KCNN1: variants seen among roughly 807,000 people sequenced by gnomAD.
The protein encoded by KCNN1 is small conductance calcium-activated potassium channel protein 1.
Under a neutral mutation model 44.7 loss-of-function variants are expected in KCNN1, and 20 were observed. The ratio of observed to expected loss-of-function variants is 0.45; its 90% CI spans 0.32 to 0.65. KCNN1 has a LOEUF of 0.65. Among genes scored for constraint, KCNN1 ranks in the 30% least tolerant of loss-of-function variants. The pLI, the probability that KCNN1 is intolerant of heterozygous loss-of-function variation, is 0.05. For synonymous variants in KCNN1, 324 were observed against 341.7 expected (o/e 0.95, Z 0.57); for missense variants, 632 against 785.3 (o/e 0.80, Z 2.33).
chr19:17,974,126 C>T lies in KCNN1; in HGVS notation c.238C>T (p.Gln80Ter). 6.2e-7 allele frequency: 1 copy of T among 1,612,970 alleles called. No homozygotes were observed. Residue 80 changes from glutamine to a stop codon, truncating the protein, a stop_gained, in exon 2 of 10, where the codon CAG becomes TAG. Transcript: ENST00000684775. LOFTEE classifies it high-confidence loss of function. The surrounding 1 kb of genome is among the most constrained non-coding windows in gnomAD (Gnocchi z 7.3). ...EDDEEDEAGR[Q>*]RASGKPSNVG... The stretch of plus-strand genomic sequence containing the variant: ...TGATGAGGAAGATGAGGCCGGCAGG[C>T]AGAGAGCCTCGGGGAAACCCTCAAA...
At position 17,998,283 on chromosome 19, in the gene KCNN1, C is replaced by A. The variant is rs372538844; in HGVS notation, c.1509C>A (p.Ile503=). The A allele has an allele frequency of 1.9e-6, 3 of 1,552,826 alleles. No individual in the cohort carries two copies. Among genetic ancestry groups the A allele is most frequent in the Non-Finnish European group, 2.6e-6 (3 of 1,153,516 alleles). The change falls in exon 10 of 10, where the codon ATC becomes ATA. Residue 503 remains isoleucine (I), a synonymous_variant. Transcript: ENST00000684775. This position sits in a 1 kb window ranked among gnomAD's most constrained non-coding sequence, Gnocchi z 5.4. ...CTCTACAGGCCCTGCCTGGCCTCAT[C>A]GCCCAAGCCATACGCCCACCCCCGC... is the stretch of plus-strand genomic sequence containing the variant. ...GASLQALPGL[I]AQAIRPPPPP... is the part of the protein sequence containing the mutation.
chr19:17,998,254 G>A lies in KCNN1; in HGVS notation c.1480G>A (p.Ala494Thr), dbSNP rs149096191. 508 of 1,566,228 alleles carry A rather than the reference G, an allele frequency of 3.2e-4. 6 individuals carry two copies. The East Asian group carries it at 0.011, about 34-fold the overall frequency. The part of the protein sequence containing the change: ...TLESRLDALG[A>T]SLQALPGLIA... ...GGAAAGCCGCTTGGATGCGCTGGGT[G>A]CCTCTCTACAGGCCCTGCCTGGCCT... The change falls in exon 10 of 10, where the codon GCC becomes ACC. Residue 494 changes from alanine (A) to threonine (T), a missense_variant. Around this residue, in one of 3 missense-constraint regions of KCNN1, gnomAD observed 237 missense variants for 253.0 expected, o/e 0.94. Coordinates refer to ENST00000684775, the MANE Select transcript of KCNN1 (RefSeq NM_001386974.1). The surrounding 1 kb of genome is among the most constrained non-coding windows in gnomAD (Gnocchi z 5.4).
In KCNN1 at chr19:17,999,501, G is replaced by GAA. The variant is rs1183694862; in HGVS notation, c.*1100_*1101dup. On this transcript the variant is annotated 3_prime_UTR_variant, in exon 10 of 10. Transcript: ENST00000684775. ...ACCCAGGAGGTGGAGGTTGCAGTGA[G>GAA]AAAAAACCTGGACTTGGTGGAAGGG... 6.5e-6 allele frequency: 1 copy of GAA among 154,550 alleles called. No individual in the cohort carries two copies. Among genetic ancestry groups the GAA allele is most frequent in the African/African-American group, 2.4e-5 (1 of 41,446 alleles). 9.6% of individuals were successfully genotyped at this position (154,550 alleles called of 1,614,324 possible). A position where few individuals can be genotyped will look rare whatever the true frequency, so the allele number is the denominator to read the frequency against.
chr19:17,962,900 A>C (rs1309622428), upstream of KCNN1, among the ~76,000 whole-genome samples: 1 of 149,604 alleles, frequency 6.7e-6, no homozygotes, highest in Non-Finnish European at 1.5e-5. Flanking sequence ...ATGGGGTTTC[A>C]CTATGTTGGC....
intron 2 of KCNN1, among the ~76,000 whole-genome samples, chr19:17,956,494 G>A (rs897340398): frequency 1.6e-4 from 25 of 152,072 alleles, no homozygotes; most frequent in African/African-American, 6.0e-4. Flanking sequence ...TGTGATCCCA[G>A]AACTTTGGGA....
chr19:17,987,202 C>T (rs937163142), intron 5 of KCNN1, among the ~76,000 whole-genome samples: 3 of 152,044 alleles, frequency 2.0e-5, no homozygotes, highest in Admixed American at 6.6e-5. Flanking sequence ...CTTCCCCTCC[C>T]AGGTTCAAGC....
Position 17,973,917 on chromosome 19 carries a change from T to G in KCNN1, c.29T>G (p.Val10Gly), listed in dbSNP as rs1267123182. Reference sequence around the variant, plus strand: ...AACAGCCACAGCTACAATGGCAGCGTGGGGCGGCCGCTGGGCAGCGGGCCG... The same window carrying G: ...AACAGCCACAGCTACAATGGCAGCGGGGGGCGGCCGCTGGGCAGCGGGCCG... The part of the protein sequence containing the change: MNSHSYNGS[V>G]GRPLGSGPGA... Residue 10 changes from valine to glycine, a missense_variant, in exon 2 of 10, where the codon GTG becomes GGG. Transcript: ENST00000684775. The G allele has an allele frequency of 1.3e-6, 2 of 1,554,590 alleles. No individual in the cohort carries two copies. The highest frequency in any genetic ancestry group is 1.7e-6 in the Non-Finnish European group (2 of 1,151,340).
At chr19:17,985,076 C>T (rs1000547723) in intron 4 of KCNN1, among the ~76,000 whole-genome samples, 1 of 152,114 alleles carries the variant, frequency 6.6e-6, no homozygotes, top group Non-Finnish European at 1.5e-5. Context: ...CATACAACCT[C>T]ACCTGGGCCC....
Position 17,967,343 on chromosome 19 carries a change from C to A in KCNN1, c.-82+26C>A, listed in dbSNP as rs974397799. 28 of 981,090 alleles carry A rather than the reference C, an allele frequency of 2.9e-5. No individual in the cohort carries two copies. The Middle Eastern group carries it at 1.6e-3, about 55-fold the overall frequency. The allele number at this position is 981,090 out of a possible 1,614,324, so 60.8% of individuals were successfully genotyped here. ...GTACAGGGTGGGATGGGTGAGGGTG[C>A]GGGAGGATCCAGGATCTGCAGCTCA... On this transcript the variant is annotated intron_variant, in intron 1 of 9. Transcript: ENST00000684775.
At chr19:17,972,921 TCAG>T (rs1479943665) in intron 1 of KCNN1, among the ~76,000 whole-genome samples, 1 of 152,126 alleles carries the variant, frequency 6.6e-6, no homozygotes, top group Non-Finnish European at 1.5e-5. Flanking sequence ...ACACATAAAG[TCAG>T]CAGGCAGGGC....
At chr19:17,978,092 TTA>T (rs1349196408) in intron 3 of KCNN1, among the ~76,000 whole-genome samples, 1 of 151,864 alleles carries the variant, frequency 6.6e-6, no homozygotes, top group Non-Finnish European at 1.5e-5. Context: ...AATGGGAGAA[TTA>T]TACGGTTTGT....
At chr19:17,961,179 C>CT (rs2031667108) in intron 2 of KCNN1, among the ~76,000 whole-genome samples, 1 of 127,332 alleles carries the variant, frequency 7.9e-6, no homozygotes, top group African/African-American at 3.0e-5. Flanking sequence ...GAGTGAGACT[C>CT]TGACTCAAAA....
chr19:17,957,063 A>C (rs1227381607), intron 2 of KCNN1, among the ~76,000 whole-genome samples: 1 of 150,852 alleles, frequency 6.6e-6, no homozygotes, highest in Non-Finnish European at 1.5e-5. Flanking sequence ...AACAAAACAA[A>C]ACAAAACAAA....
intron 3 of KCNN1, among the ~76,000 whole-genome samples, chr19:17,976,696 G>A (rs567245055): frequency 6.6e-6 from 1 of 151,442 alleles, no homozygotes; most frequent in East Asian, 2.0e-4. Flanking sequence ...GGGATTACAG[G>A]TGTGAGCCAC....
Position 17,993,415 on chromosome 19 carries a change from A to C in KCNN1, c.1308-75A>C. On this transcript the variant is annotated intron_variant, in intron 8 of 9. Transcript: ENST00000684775. The surrounding 1 kb of genome is among the most constrained non-coding windows in gnomAD (Gnocchi z 4.5). ...CCCATAGGTGACCCCGGGTGGGTGC[A>C]TGAAAGTCCCTGCCCCCACTGCAGC... is the stretch of plus-strand genomic sequence containing the variant. 8.7e-7 allele frequency: 1 copy of C among 1,147,558 alleles called. No individual in the cohort carries two copies. Among genetic ancestry groups the C allele is most frequent in the Non-Finnish European group, 1.3e-6 (1 of 773,836 alleles). 71.1% of individuals were successfully genotyped at this position (1,147,558 alleles called of 1,614,324 possible). A position where few individuals can be genotyped will look rare whatever the true frequency, so the allele number is the denominator to read the frequency against.
chr19:17,993,233 G>C lies in KCNN1; in HGVS notation c.1307+171G>C, dbSNP rs2032858935. Among the ~76,000 whole-genome samples the C allele has an allele frequency of 6.6e-6, 1 of 152,114 alleles. No homozygotes were observed. On this transcript the variant is annotated intron_variant, in intron 8 of 9. Transcript: ENST00000684775. The surrounding 1 kb of genome is among the most constrained non-coding windows in gnomAD (Gnocchi z 4.5). The stretch of plus-strand genomic sequence containing the variant: ...CCTTGGTCTGGGATCCAACTTCCTG[G>C]GGCAGTCCTGAGTTGGGCCGGAGAC...
intron 1 of KCNN1, among the ~76,000 whole-genome samples, chr19:17,953,335 C>T (rs974566798): frequency 3.3e-5 from 5 of 152,208 alleles, no homozygotes; most frequent in African/African-American, 1.2e-4. Context: ...AGGCCCTGCC[C>T]TCCCAAGGCT....
chr19:17,982,457 C>G (rs2032450682), intron 4 of KCNN1: 3 of 742,434 alleles, frequency 4.0e-6, no homozygotes, highest in Non-Finnish European at 4.9e-6. Flanking sequence ...ATCTCTGGCC[C>G]CGGGGGGCGC....
chr19:17,986,397 C>T (rs909133031), intron 5 of KCNN1, among the ~76,000 whole-genome samples: 2 of 151,746 alleles, frequency 1.3e-5, no homozygotes, highest in South Asian at 2.1e-4. Context: ...ACCTGCTGGG[C>T]TGTGTCCTCT....
Sources: allele counts gnomAD v4.1 joint callset (sites outside exome capture counted in the v4.1 genomes callset), GRCh38; gene constraint gnomAD v4.1.1; regional missense constraint gnomAD v4.1.1; non-coding constraint Gnocchi (gnomAD v3.1); transcripts MANE v1.5; gene names NCBI Gene and HGNC (gene_info 2026-07-23, HGNC 2026-07-21).